Variants in ZC3H18 observed in about 807,000 individuals in gnomAD.
The protein encoded by ZC3H18 is zinc finger CCCH domain-containing protein 18.
In ZC3H18, 8 loss-of-function variants were observed where a neutral mutation model predicts 106.1. The ratio of observed to expected loss-of-function variants is 0.08; its 90% confidence interval spans 0.04 to 0.14. The LOEUF (loss-of-function observed/expected upper bound fraction) is 0.14. Among genes scored for constraint, ZC3H18 ranks in the 10% least tolerant of loss-of-function variants. The pLI, the probability that ZC3H18 is intolerant of heterozygous loss-of-function variation, is 1.00. For missense variants in ZC3H18, 1,318 were observed against 1,278.4 expected (o/e 1.03, Z -0.47); for synonymous variants, 635 against 522.1 (o/e 1.22, Z -2.95).
At chr16:88,625,295 T>G (rs1262581332) in intron 13 of ZC3H18, 28 bp downstream of exon 13, 2 of 1,569,142 alleles carry the variant, frequency 1.3e-6, no homozygotes, top group Non-Finnish European at 8.6e-7. Context: ...GTGCCTCTGT[T>G]TCTCCCTCCC....
intron 8 of ZC3H18, among the ~76,000 whole-genome samples, chr16:88,613,325 T>C (rs1419049813): frequency 6.6e-6 from 1 of 152,230 alleles, no homozygotes. Context: ...CAAGTTTTTG[T>C]GTGGACATAG....
Position 88,631,369 on chromosome 16 carries a change from T to TA in ZC3H18, c.*72dup, listed in dbSNP as rs1330743400. 14 of 1,528,432 alleles carry TA rather than the reference T, an allele frequency of 9.2e-6. No homozygotes were observed. The Admixed American group carries it at 2.8e-4, about 30-fold the overall frequency. The allele number at this position is 1,528,432 out of a possible 1,614,324, so 94.7% of individuals were successfully genotyped here. On this transcript the variant is annotated 3_prime_UTR_variant, in exon 18 of 18. Transcript: ENST00000301011. Reference sequence around the variant, plus strand: ...GCGCAGCCATTTTGGATTTTGCAGTTAATGTCTTATTTTGGCTGTGATTCT... The same window carrying TA: ...GCGCAGCCATTTTGGATTTTGCAGTTAAATGTCTTATTTTGGCTGTGATTCT...
chr16:88,622,721 T>C, intron 9 of ZC3H18: 1 of 326,822 alleles, frequency 3.1e-6, no homozygotes, highest in Non-Finnish European at 5.7e-6. Flanking sequence ...CATCTGTTCC[T>C]CCAGACTGGA....
intron 6 of ZC3H18, among the ~76,000 whole-genome samples, chr16:88,601,878 G>GT (rs1365286214): frequency 1.3e-5 from 2 of 152,058 alleles, no homozygotes; most frequent in African/African-American, 4.8e-5. Context: ...GAGGTGCCCT[G>GT]GCTGTTTCTG....
At chr16:88,574,599 A>T (rs1349581358) in intron 1 of ZC3H18, among the ~76,000 whole-genome samples, 2 of 147,572 alleles carry the variant, frequency 1.4e-5, no homozygotes, top group African/African-American at 2.5e-5. Context: ...ACCTCCTAGG[A>T]TCAGGTGATC....
At chr16:88,622,090 TA>T in intron 8 of ZC3H18, 106 bp from the exon 9 acceptor site, 1 of 1,333,884 alleles carries the variant, frequency 7.5e-7, no homozygotes. Context: ...AGGTGATCCT[TA>T]AATAAGCCAG....
intron 17 of ZC3H18, 96 bp downstream of exon 17, chr16:88,630,677 C>A: frequency 9.2e-7 from 1 of 1,088,486 alleles, no homozygotes; most frequent in Non-Finnish European, 1.3e-6. Flanking sequence ...AGCACTGGGC[C>A]AGGCTGGAGG....
intron 3 of ZC3H18, among the ~76,000 whole-genome samples, chr16:88,589,975 A>C (rs1915647168): frequency 6.6e-6 from 1 of 152,196 alleles, no homozygotes; most frequent in African/African-American, 2.4e-5. Flanking sequence ...ACAATTAGAA[A>C]ATTCTTTTCT....
At chr16:88,591,592 G>T (rs1365094717) in intron 3 of ZC3H18, among the ~76,000 whole-genome samples, 1 of 151,850 alleles carries the variant, frequency 6.6e-6, no homozygotes, top group Admixed American at 6.6e-5. Flanking sequence ...AAAAAAGATT[G>T]ACCAATATTT....
intron 8 of ZC3H18, among the ~76,000 whole-genome samples, chr16:88,620,157 T>TA (rs1053036414): frequency 5.3e-5 from 8 of 152,236 alleles, no homozygotes; most frequent in African/African-American, 1.9e-4. Flanking sequence ...TCTGAAAACA[T>TA]AAACATTGAT....
chr16:88,579,894 G>C (rs906379636), intron 2 of ZC3H18, among the ~76,000 whole-genome samples: 1 of 152,202 alleles, frequency 6.6e-6, no homozygotes, highest in African/African-American at 2.4e-5. Context: ...TGACTGGGCA[G>C]GGCGGAGCAG....
intron 1 of ZC3H18, chr16:88,571,475 C>G (rs1045027857): frequency 3.3e-6 from 1 of 299,408 alleles, no homozygotes; most frequent in African/African-American, 2.3e-5. Flanking sequence ...GAGGTTTGAC[C>G]TCGGCTGAAT....
intron 17 of ZC3H18, 55 bp from the exon 18 acceptor site, chr16:88,631,046 T>C: frequency 6.2e-7 from 1 of 1,606,142 alleles, no homozygotes; most frequent in East Asian, 2.2e-5. Context: ...AGGTCACCCC[T>C]TCCACCTGCA....
intron 10 of ZC3H18, 51 bp downstream of exon 10, chr16:88,623,395 G>A (rs771980968): frequency 1.9e-6 from 3 of 1,597,616 alleles, no homozygotes; most frequent in South Asian, 2.2e-5. Flanking sequence ...GTGAGCAAGG[G>A]CACCTGCGGA....
At chr16:88,600,012 C>T (rs1022345900) in intron 6 of ZC3H18, 64 bp downstream of exon 6, 2 of 1,578,470 alleles carry the variant, frequency 1.3e-6, no homozygotes, top group Non-Finnish European at 1.7e-6. Flanking sequence ...CCGGAGAGAG[C>T]AGCCATGTGC....
Position 88,598,310 on chromosome 16 carries a change from T to C in ZC3H18, c.821T>C (p.Met274Thr), listed in dbSNP as rs1330173019. 1 of 1,604,528 alleles carries C rather than the reference T, an allele frequency of 6.2e-7. No homozygotes were observed. The highest frequency in any genetic ancestry group is 1.3e-5 in the African/African-American group (1 of 74,194). ...CCGCCTCTCGGACCTCACCCGCTGA[T>C]GCCCGCCAACCCTTGGGTGCGTGAT... is the stretch of plus-strand genomic sequence containing the variant. Reference protein sequence around the residue: ...GAPPLGPHPLMPANPWGGPVV... With the variant: ...GAPPLGPHPLTPANPWGGPVV... The change falls in exon 4 of 18, where the codon ATG becomes ACG. Residue 274 changes from methionine (M) to threonine (T), a missense_variant. Coordinates refer to ENST00000301011, the MANE Select transcript of ZC3H18 (RefSeq NM_144604.4).
chr16:88,586,805 C>T, intron 3 of ZC3H18, 121 bp downstream of exon 3: 2 of 621,116 alleles, frequency 3.2e-6, no homozygotes, highest in South Asian at 1.6e-5. Context: ...GCATTACTGG[C>T]TAGGTGGTGG....
In ZC3H18 at chr16:88,577,393, G is replaced by A. The variant is rs776751076; in HGVS notation, c.270G>A (p.Arg90=). 6.3e-6 allele frequency: 10 copies of A among 1,597,724 alleles called. No homozygotes were observed. The African/African-American group carries it at 1.2e-4, about 19-fold the overall frequency. Residue 90 remains arginine, a synonymous_variant, in exon 2 of 18, where the codon CGG becomes CGA. Transcript: ENST00000301011. The stretch of plus-strand genomic sequence containing the variant: ...ACTCAGAGGTGAATGAGCTGAGCCG[G>A]GGCCCGACCAGCTCCCCCTGCGAGG... ...DQDSEVNELS[R]GPTSSPCEEE... is the part of the protein sequence containing the mutation.
At chr16:88,616,086 C>T (rs1391313699) in intron 8 of ZC3H18, among the ~76,000 whole-genome samples, 1 of 152,198 alleles carries the variant, frequency 6.6e-6, no homozygotes, top group Non-Finnish European at 1.5e-5. Flanking sequence ...ACTCTGCCAG[C>T]ATGGCCACCA....
Sources: gnomAD v4.1 joint callset for allele counts (sites outside exome capture counted in the v4.1 genomes callset) on GRCh38, gnomAD v4.1.1 for gene constraint, MANE v1.5 for transcripts, NCBI Gene and HGNC (gene_info 2026-07-23, HGNC 2026-07-21) for gene names.